Variants in ZNF106 observed in about 807,000 individuals in gnomAD.
ZNF106 encodes SH3-domain binding protein 3.
ZNF106 carries 67 observed loss-of-function variants against 195.1 expected under a neutral mutation model. The observed-to-expected ratio is 0.34, with a 90% CI of 0.28 to 0.42. The LOEUF (loss-of-function observed/expected upper bound fraction) is 0.42, where lower values mean the gene tolerates loss of function less well. Ranked by LOEUF, ZNF106 falls within the 10% of genes least tolerant of loss-of-function variation. The pLI, the probability that ZNF106 is intolerant of heterozygous loss-of-function variation, is 1.00. For missense variants in ZNF106, 2,118 were observed against 2,304.5 expected, an observed-to-expected ratio of 0.92 and a Z score of 1.66; for synonymous variants, 784 against 818.6, an observed-to-expected ratio of 0.96 and a Z score of 0.72.
intron 2 of ZNF106, among the ~76,000 whole-genome samples, chr15:42,469,146 T>C (rs1015109363): frequency 2.0e-5 from 3 of 152,154 alleles, no homozygotes; most frequent in African/African-American, 4.8e-5. Flanking sequence ...GGTCACACCA[T>C]TGCACTCCAG....
chr15:42,455,348 A>G (rs1020889112), intron 4 of ZNF106, among the ~76,000 whole-genome samples: 1 of 152,214 alleles, frequency 6.6e-6, no homozygotes, highest in Non-Finnish European at 1.5e-5. Flanking sequence ...TTTTATACAC[A>G]GTCTGATGAT....
At position 42,414,980 on chromosome 15, in the gene ZNF106, G is replaced by A. The variant is rs906722208; in HGVS notation, c.*2324C>T. ...ATATTTAATACACCTTTTGCAACAAGATCTTCTCTGTTCTCCATTAAGCAT... is the reference window on the plus strand; with the variant it reads ...ATATTTAATACACCTTTTGCAACAAAATCTTCTCTGTTCTCCATTAAGCAT... On this transcript the variant is annotated 3_prime_UTR_variant, in exon 22 of 22. Transcript: ENST00000564754. 6.6e-6 allele frequency: 1 copy of A among 152,244 alleles called. No homozygotes were observed. The highest frequency in any genetic ancestry group is 2.4e-5 in the African/African-American group (1 of 41,398). 9.4% of individuals were successfully genotyped at this position (152,244 alleles called of 1,614,324 possible).
At chr15:42,445,008 G>GTTT in intron 7 of ZNF106, 27 bp from the exon 8 acceptor site, 1 of 1,612,594 alleles carries the variant, frequency 6.2e-7, no homozygotes, top group Non-Finnish European at 8.5e-7. Flanking sequence ...TAAGGTTCAG[G>GTTT]TTAATACGAG....
At chr15:42,480,937 A>G (rs1325704067) in intron 1 of ZNF106, among the ~76,000 whole-genome samples, 2 of 152,186 alleles carry the variant, frequency 1.3e-5, no homozygotes, top group Admixed American at 6.5e-5. Flanking sequence ...GTGAACAGAG[A>G]TAGCGCCACT....
chr15:42,481,122 C>CT (rs990425280), intron 1 of ZNF106, among the ~76,000 whole-genome samples: 8 of 151,986 alleles, frequency 5.3e-5, no homozygotes, highest in African/African-American at 1.7e-4. Context: ...CAAGATGATG[C>CT]TTTTTTGTGC....
At chr15:42,469,577 C>A (rs906531539) in intron 2 of ZNF106, among the ~76,000 whole-genome samples, 1 of 152,106 alleles carries the variant, frequency 6.6e-6, no homozygotes. Flanking sequence ...GTGGCTCACA[C>A]CTGTAATTAC....
intron 20 of ZNF106, among the ~76,000 whole-genome samples, chr15:42,418,655 A>C (rs1034480928): frequency 5.3e-5 from 8 of 150,542 alleles, no homozygotes; most frequent in Non-Finnish European, 1.2e-4. Context: ...CTGGGATTAC[A>C]GGCGTGAGCC....
In ZNF106 at chr15:42,451,190, T is replaced by G. The variant is rs1478559351; in HGVS notation, c.1082A>C (p.Asn361Thr). The G allele has an allele frequency of 1.9e-6, 3 of 1,614,126 alleles. No individual in the cohort carries two copies. Among genetic ancestry groups the G allele is most frequent in the East Asian group, 4.5e-5 (2 of 44,876 alleles). Residue 361 changes from asparagine to threonine, a missense_variant, in exon 5 of 22, where the codon AAT (asparagine) becomes ACT (threonine). By Grantham distance (65) the Asn-to-Thr change is moderately conservative. Transcript: ENST00000564754. Reference sequence around the variant, plus strand: ...AGGCTTTTCCCTTGCCGCACTGCCATTCTTTCCACTAACTTTGGAAGTAGC... The same window carrying G: ...AGGCTTTTCCCTTGCCGCACTGCCAGTCTTTCCACTAACTTTGGAAGTAGC... ...DTATSKVSGKNGSAAREKPRR... is the reference protein window; with the variant it reads ...DTATSKVSGKTGSAAREKPRR...
chr15:42,445,060 C>T, intron 7 of ZNF106, 79 bp from the exon 8 acceptor site: 2 of 1,512,572 alleles, frequency 1.3e-6, no homozygotes, highest in Non-Finnish European at 1.8e-6. Context: ...CTAAACTATA[C>T]CCATTATTTA....
chr15:42,440,951 C>A (rs1223970341), intron 10 of ZNF106, among the ~76,000 whole-genome samples: 9 of 131,732 alleles, frequency 6.8e-5, no homozygotes, highest in African/African-American at 2.6e-4. Flanking sequence ...CCATTGCACA[C>A]CAGCCTGGGC....
At chr15:42,483,565 A>T (rs2056951103) in intron 1 of ZNF106, among the ~76,000 whole-genome samples, 1 of 152,224 alleles carries the variant, frequency 6.6e-6, no homozygotes, top group South Asian at 2.1e-4. Context: ...TGAAAAAACT[A>T]TTCTCATGCA....
intron 1 of ZNF106, among the ~76,000 whole-genome samples, chr15:42,484,568 C>T (rs2056968332): frequency 6.6e-6 from 1 of 152,018 alleles, no homozygotes; most frequent in South Asian, 2.1e-4. Context: ...AGTGAAATAC[C>T]ATCTCTACTA....
chr15:42,424,108 T>G (rs1001605815), intron 16 of ZNF106, 48 bp from the exon 17 acceptor site: 2 of 1,542,200 alleles, frequency 1.3e-6, no homozygotes, highest in African/African-American at 1.4e-5. Context: ...GGTTCTTAAT[T>G]TTCTCTATAA....
chr15:42,441,189 A>G (rs1402992410), intron 10 of ZNF106, among the ~76,000 whole-genome samples: 3 of 147,900 alleles, frequency 2.0e-5, no homozygotes, highest in Non-Finnish European at 4.5e-5. Flanking sequence ...AAAAAAAAAA[A>G]AAAATTAGCC....
chr15:42,448,219 A>C lies in ZNF106; in HGVS notation c.2988T>G (p.Ser996Arg). The C allele has an allele frequency of 6.2e-7, 1 of 1,613,426 alleles. No individual in the cohort carries two copies. Among genetic ancestry groups the C allele is most frequent in the Non-Finnish European group, 8.5e-7 (1 of 1,179,828 alleles). ...ATGACAGACAGTTTCCCTCTCCATT[A>C]CTCTCCTGGGAATTCTGATTCTCTG... is the stretch of plus-strand genomic sequence containing the variant. ...PPSENQNSQE[S>R]NGEGNCLSSS... is the part of the protein sequence containing the mutation. The change falls in exon 6 of 22, where the codon AGT (serine) becomes AGG (arginine). Residue 996 changes from serine (S) to arginine (R), a missense_variant. Physicochemically the swap from Ser to Arg is moderately radical, Grantham distance 110. Coordinates refer to ENST00000564754, the MANE Select transcript of ZNF106 (RefSeq NM_001366845.3).
In ZNF106 at chr15:42,450,345, G is replaced by A; in HGVS notation, c.1927C>T (p.Arg643Ter). ...ATTELLSGST[R>*]TADEKEEDDR... ...TCCTCCTCTTTCTCATCAGCAGTTC[G>A]AGTGCTGCCAGATAACAATTCTGTA... The change falls in exon 5 of 22, where the codon CGA becomes TGA. Residue 643 changes from arginine (R) to a stop codon, truncating the protein, a stop_gained. Transcript: ENST00000564754. LOFTEE classifies it high-confidence loss of function. 6.2e-7 allele frequency: 1 copy of A among 1,614,156 alleles called. No individual in the cohort carries two copies. The highest frequency in any genetic ancestry group is 8.5e-7 in the Non-Finnish European group (1 of 1,180,022).
chr15:42,418,700 T>G (rs2054546753), intron 20 of ZNF106, among the ~76,000 whole-genome samples: 1 of 151,848 alleles, frequency 6.6e-6, no homozygotes, highest in Non-Finnish European at 1.5e-5. Context: ...TTTTTAACAA[T>G]TCTAAGAACT....
intron 14 of ZNF106, among the ~76,000 whole-genome samples, chr15:42,430,379 C>T (rs1344856374): frequency 2.6e-5 from 4 of 151,560 alleles, no homozygotes; most frequent in Admixed American, 2.6e-4. Context: ...TAGGGATTTA[C>T]TTATGTATTT....
At chr15:42,487,592 CTTAT>C (rs1171612770) in intron 1 of ZNF106, among the ~76,000 whole-genome samples, 2 of 146,418 alleles carry the variant, frequency 1.4e-5, no homozygotes, top group Non-Finnish European at 3.0e-5. Flanking sequence ...TTGTGAGTTT[CTTAT>C]TTGTTTTCCA....
Sources: gnomAD v4.1 joint callset for allele counts (sites outside exome capture counted in the v4.1 genomes callset) on GRCh38, gnomAD v4.1.1 for gene constraint, MANE v1.5 for transcripts, NCBI Gene and HGNC (gene_info 2026-07-23, HGNC 2026-07-21) for gene names.